Variants in FBXO4 observed in about 807,000 individuals in gnomAD.
The protein encoded by FBXO4 is F-box only protein 4.
FBXO4 carries 36 observed loss-of-function variants against 43.7 expected under a neutral mutation model. That is an observed-to-expected ratio of 0.82 (90% CI 0.63 to 1.09). FBXO4 has a LOEUF of 1.09. FBXO4 is among the 50% of genes least tolerant of loss of function. FBXO4 has a pLI of 0.00. For synonymous variants in FBXO4, 180 were observed against 165.6 expected (o/e 1.09, Z -0.67); for missense variants, 435 against 474.1 (o/e 0.92, Z 0.77).
the FBXO4 span, among the ~76,000 whole-genome samples, chr5:41,975,490 G>A: frequency 3.3e-5 from 5 of 152,186 alleles, no homozygotes; most frequent in South Asian, 6.2e-4. Flanking sequence ...GTGTATTAAT[G>A]AGAGACTGGT....
intron 5 of FBXO4, 74 bp downstream of exon 5, chr5:41,934,382 A>C: frequency 6.3e-7 from 1 of 1,593,080 alleles, no homozygotes; most frequent in Non-Finnish European, 8.5e-7. Flanking sequence ...TTTAGACTTT[A>C]CTGTGGCTTC....
chr5:41,972,793 C>G, the FBXO4 span, among the ~76,000 whole-genome samples: 2 of 151,944 alleles, frequency 1.3e-5, no homozygotes, highest in African/African-American at 4.8e-5. Flanking sequence ...CCATCTGATC[C>G]TCAACAAAAC....
chr5:41,945,584 T>A (rs139720295), downstream of FBXO4, among the ~76,000 whole-genome samples: 89 of 152,278 alleles, frequency 5.8e-4, no homozygotes, highest in East Asian at 0.015. Context: ...TGAATGGACA[T>A]GCAGTCAGGG....
chr5:41,999,555 A>ATATATATATATATATATATATATG, the FBXO4 span, among the ~76,000 whole-genome samples: 1 of 122,276 alleles, frequency 8.2e-6, no homozygotes, highest in Non-Finnish European at 1.6e-5. Context: ...GTATATATAT[A>ATATATATATATATATATATATATG]TATATATGTA....
At chr5:41,936,771 GAAAAA>G (rs143283100) in intron 5 of FBXO4, among the ~76,000 whole-genome samples, 1 of 151,612 alleles carries the variant, frequency 6.6e-6, no homozygotes, top group Admixed American at 6.6e-5. Flanking sequence ...AACACAAAGA[GAAAAA>G]AAAGTAAGAG....
chr5:41,930,060 T>C (rs1751635620), intron 3 of FBXO4, 143 bp downstream of exon 3: 3 of 620,670 alleles, frequency 4.8e-6, no homozygotes, highest in African/African-American at 1.8e-5. Flanking sequence ...CAGGTTCCAC[T>C]GAACTGACAG....
chr5:41,927,785 G>A (rs545926594), intron 2 of FBXO4, among the ~76,000 whole-genome samples: 6 of 152,158 alleles, frequency 3.9e-5, no homozygotes, highest in African/African-American at 7.2e-5. Context: ...CATGCAACAA[G>A]AAGGTGTTAT....
the FBXO4 span, among the ~76,000 whole-genome samples, chr5:42,024,383 C>T: frequency 6.6e-6 from 1 of 151,700 alleles, no homozygotes; most frequent in Non-Finnish European, 1.5e-5. Context: ...GAAAACAATG[C>T]CATACTCTTT....
the FBXO4 span, among the ~76,000 whole-genome samples, chr5:41,990,505 T>G: frequency 1.8e-4 from 28 of 152,164 alleles, no homozygotes; most frequent in Admixed American, 8.5e-4. Context: ...CAGAAAAGAC[T>G]TCTCTGAGAA....
chr5:42,038,742 C>T, the FBXO4 span, among the ~76,000 whole-genome samples: 1 of 152,044 alleles, frequency 6.6e-6, no homozygotes, highest in Admixed American at 6.6e-5. Context: ...CACCCATTAA[C>T]TAACCCATTT....
At chr5:41,944,823 AATGGC>A (rs1752054023), downstream of FBXO4, among the ~76,000 whole-genome samples, 1 of 152,202 alleles carries the variant, frequency 6.6e-6, no homozygotes. Context: ...AGTATTTTGC[AATGGC>A]ACATAAGTTG....
rs747740555 is a variant in FBXO4 at position 41,941,271 on chromosome 5, G to A, written c.1154G>A (p.Arg385His). The A allele has an allele frequency of 1.2e-5, 19 of 1,612,874 alleles. No individual in the cohort carries two copies. Among genetic ancestry groups the A allele is most frequent in the Middle Eastern group, 1.6e-4 (1 of 6,080 alleles). Residue 385 changes from arginine to histidine, a missense_variant, in exon 7 of 7, where the codon CGT (arginine) becomes CAT (histidine). Arg to His is a conservative substitution (Grantham distance 29). Transcript: ENST00000281623. ...EWILEEVESK[R>H]AR The stretch of plus-strand genomic sequence containing the variant: ...ATTCTTGAAGAAGTGGAATCTAAGC[G>A]TGCAAGATGATTCTCTTTTCAGATC...
the FBXO4 span, among the ~76,000 whole-genome samples, chr5:41,953,836 A>G: frequency 6.6e-6 from 1 of 151,532 alleles, no homozygotes. Flanking sequence ...CCACTTTTTG[A>G]TGGGGTTGTT....
At chr5:41,991,791 C>G in the FBXO4 span, among the ~76,000 whole-genome samples, 1,799 of 152,230 alleles carry the variant, frequency 0.012, 39 homozygotes, top group African/African-American at 0.041. Flanking sequence ...TATTTATATA[C>G]CTTCCGGCCG....
chr5:42,032,138 C>T, the FBXO4 span, among the ~76,000 whole-genome samples: 1 of 151,372 alleles, frequency 6.6e-6, no homozygotes, highest in African/African-American at 2.4e-5. Context: ...GTGACACAAT[C>T]ACCCCTGTGC....
the FBXO4 span, among the ~76,000 whole-genome samples, chr5:41,961,140 A>T: frequency 9.2e-5 from 14 of 152,042 alleles, no homozygotes; most frequent in African/African-American, 3.4e-4. Flanking sequence ...ATGGGGTCAA[A>T]GCTGTGTATT....
the FBXO4 span, chr5:41,951,937 C>A: frequency 3.1e-6 from 1 of 318,952 alleles, no homozygotes; most frequent in Non-Finnish European, 6.0e-6. Context: ...TTCAGCACAG[C>A]CTGGTGGTCA....
the FBXO4 span, among the ~76,000 whole-genome samples, chr5:42,018,849 T>C: frequency 6.6e-6 from 1 of 152,304 alleles, no homozygotes; most frequent in East Asian, 1.9e-4. Context: ...GTAATAAATG[T>C]AACTTCATCT....
At chr5:41,959,013 C>G in the FBXO4 span, among the ~76,000 whole-genome samples, 73 of 152,254 alleles carry the variant, frequency 4.8e-4, no homozygotes, top group African/African-American at 1.8e-3. Context: ...ACATTCCAAC[C>G]AACAACATAC....
Sources: gnomAD v4.1 joint callset for allele counts (sites outside exome capture counted in the v4.1 genomes callset) on GRCh38, gnomAD v4.1.1 for gene constraint, MANE v1.5 for transcripts, NCBI Gene and HGNC (gene_info 2026-07-23, HGNC 2026-07-21) for gene names.